Variants in CYREN observed in about 807,000 individuals in gnomAD.
CYREN encodes cell cycle regulator of non-homologous end joining.
Under a neutral mutation model 9.7 loss-of-function variants are expected in CYREN, and 7 were observed. The ratio of observed to expected loss-of-function variants is 0.72; its 90% confidence interval spans 0.41 to 1.36. The LOEUF (loss-of-function observed/expected upper bound fraction) is 1.36. CYREN is among the 40% of genes most tolerant of loss of function. CYREN has a pLI of 0.01. For synonymous variants in CYREN, 76 were observed against 77.9 expected (o/e 0.98, Z 0.13); for missense variants, 215 against 198.1 (o/e 1.09, Z -0.51).
chr7:135,162,475 AAG>A (rs1393623914), downstream of CYREN, among the ~76,000 whole-genome samples: 3 of 152,244 alleles, frequency 2.0e-5, no homozygotes, highest in African/African-American at 7.2e-5. Context: ...TGAAAAGAAA[AAG>A]AGGTTTAATG....
rs745320492 is a variant in CYREN, at chr7:135,168,942, G to C, written c.-20C>G. The C allele has an allele frequency of 6.4e-6, 10 of 1,562,128 alleles. No homozygotes were observed. Among genetic ancestry groups the C allele is most frequent in the Non-Finnish European group, 7.8e-6 (9 of 1,154,822 alleles). On this transcript the variant is annotated 5_prime_UTR_variant, in exon 2 of 4. Transcript: ENST00000393114. ...TTCCATCTCTGTACCTTCTCACAAAGAAGAGTCAGGGCCCAAGCTTAATGA... is the reference window on the plus strand; with the variant it reads ...TTCCATCTCTGTACCTTCTCACAAACAAGAGTCAGGGCCCAAGCTTAATGA...
intron 2 of CYREN, chr7:135,129,022 A>C (rs1017123052): frequency 6.2e-7 from 1 of 1,607,932 alleles, no homozygotes; most frequent in Non-Finnish European, 8.5e-7. Flanking sequence ...GACTACTTTG[A>C]AATCCAGATC....
intron 2 of CYREN, among the ~76,000 whole-genome samples, chr7:135,096,775 GA>G (rs1554516788): frequency 6.7e-6 from 1 of 148,540 alleles, no homozygotes; most frequent in Admixed American, 6.7e-5. Flanking sequence ...AAGAAAGAAA[GA>G]AAGAAAGAAA....
At chr7:135,144,445 G>A (rs1008494802) in intron 2 of CYREN, among the ~76,000 whole-genome samples, 1 of 152,108 alleles carries the variant, frequency 6.6e-6, no homozygotes, top group African/African-American at 2.4e-5. Flanking sequence ...TCAAGGTTAA[G>A]AGTACTGCCA....
intron 2 of CYREN, among the ~76,000 whole-genome samples, chr7:135,157,822 G>T (rs141586266): frequency 4.6e-5 from 7 of 152,316 alleles, no homozygotes; most frequent in Non-Finnish European, 7.4e-5. Context: ...TCCTACCAGG[G>T]TGGCAGCTGC....
intron 2 of CYREN, among the ~76,000 whole-genome samples, chr7:135,118,340 C>T (rs542327760): frequency 1.6e-4 from 25 of 152,132 alleles, no homozygotes; most frequent in Admixed American, 4.6e-4. Flanking sequence ...CTAAAAATCA[C>T]GCCATGTCCT....
intron 2 of CYREN, among the ~76,000 whole-genome samples, chr7:135,107,370 T>C (rs1260457163): frequency 6.6e-6 from 1 of 152,186 alleles, no homozygotes; most frequent in African/African-American, 2.4e-5. Flanking sequence ...AATTTCTCTC[T>C]TAACACTGCC....
chr7:135,112,932 ATGC>A (rs1825844399), intron 2 of CYREN, among the ~76,000 whole-genome samples: 2 of 152,216 alleles, frequency 1.3e-5, no homozygotes, highest in African/African-American at 4.8e-5. Flanking sequence ...ACTCGCCACC[ATGC>A]CGACTTAATT....
chr7:135,171,972 C>G (rs1026030478), upstream of CYREN, among the ~76,000 whole-genome samples: 7 of 152,372 alleles, frequency 4.6e-5, no homozygotes, highest in Admixed American at 1.3e-4. Context: ...TGAAGCTTGT[C>G]AAGACTAGTT....
At chr7:135,140,189 C>T (rs1829427607) in intron 2 of CYREN, among the ~76,000 whole-genome samples, 1 of 152,024 alleles carries the variant, frequency 6.6e-6, no homozygotes, top group African/African-American at 2.4e-5. Context: ...TCTTCCTATC[C>T]ATGAGCATGG....
chr7:135,117,535 C>T (rs1563283734), intron 2 of CYREN, among the ~76,000 whole-genome samples: 1 of 152,144 alleles, frequency 6.6e-6, no homozygotes, highest in Admixed American at 6.5e-5. Context: ...TCACTTTACC[C>T]TGAAATCACT....
chr7:135,154,133 A>G (rs1013985743), intron 2 of CYREN, among the ~76,000 whole-genome samples: 3 of 152,172 alleles, frequency 2.0e-5, no homozygotes, highest in African/African-American at 7.2e-5. Context: ...GTTGTTCATA[A>G]TAGTCCTTGA....
intron 2 of CYREN, among the ~76,000 whole-genome samples, chr7:135,100,315 T>C (rs1373697387): frequency 2.0e-5 from 3 of 152,078 alleles, no homozygotes; most frequent in African/African-American, 7.2e-5. Context: ...ATAAAACTAA[T>C]ACTAAAAACT....
chr7:135,117,960 G>A (rs529992280), intron 2 of CYREN, among the ~76,000 whole-genome samples: 1 of 152,312 alleles, frequency 6.6e-6, no homozygotes, highest in African/African-American at 2.4e-5. Flanking sequence ...TGAAACTGCT[G>A]TAGGATGCAA....
At chr7:135,161,313 G>A (rs1469613589), downstream of CYREN, among the ~76,000 whole-genome samples, 1 of 152,222 alleles carries the variant, frequency 6.6e-6, no homozygotes, top group African/African-American at 2.4e-5. The surrounding 1 kb of genome is among the most constrained non-coding windows in gnomAD (Gnocchi z 4.1). Flanking sequence ...AAAGGCAGCT[G>A]TTTTCAAAGC....
chr7:135,148,854 G>A (rs773629806), intron 2 of CYREN, among the ~76,000 whole-genome samples: 9 of 152,158 alleles, frequency 5.9e-5, no homozygotes, highest in Non-Finnish European at 1.3e-4. Flanking sequence ...ATCCATGGTG[G>A]TATTTTAGTT....
At chr7:135,130,297 T>G (rs531550600) in intron 2 of CYREN, among the ~76,000 whole-genome samples, 1 of 152,220 alleles carries the variant, frequency 6.6e-6, no homozygotes, top group Non-Finnish European at 1.5e-5. Flanking sequence ...TTATAATAAT[T>G]TAAAAATATG....
At chr7:135,094,351 C>A in exon 3 of CYREN, 1 of 456,494 alleles carries the variant, frequency 2.2e-6, no homozygotes, top group South Asian at 1.5e-5. Flanking sequence ...CAGACGAATC[C>A]AGGGAGTCAC....
chr7:135,097,899 T>A (rs1349350769), intron 2 of CYREN, among the ~76,000 whole-genome samples: 1 of 152,158 alleles, frequency 6.6e-6, no homozygotes, highest in Non-Finnish European at 1.5e-5. Flanking sequence ...ACTAAAATTA[T>A]AATTTATTTG....
Sources: gnomAD v4.1 joint callset for allele counts (sites outside exome capture counted in the v4.1 genomes callset) on GRCh38, gnomAD v4.1.1 for gene constraint, Gnocchi (gnomAD v3.1) non-coding constraint, MANE v1.5 for transcripts, NCBI Gene and HGNC (gene_info 2026-07-23, HGNC 2026-07-21) for gene names.